Variants in BMPR1A observed in about 807,000 individuals in gnomAD.
BMPR1A encodes bone morphogenetic protein receptor type-1A.
A neutral mutation model predicts 66.0 loss-of-function variants in BMPR1A; 7 were observed. The ratio of observed to expected loss-of-function variants is 0.11; its 90% CI spans 0.06 to 0.20. BMPR1A has a LOEUF of 0.20. BMPR1A is among the 10% of genes least tolerant of loss of function. BMPR1A has a pLI of 1.00. For synonymous variants in BMPR1A, 200 were observed against 229.7 expected (o/e 0.87, Z 1.17); for missense variants, 408 against 669.1 (o/e 0.61, Z 4.31).
chr10:86,883,016 T>A (rs1263846002), intron 3 of BMPR1A, among the ~76,000 whole-genome samples: 1 of 152,004 alleles, frequency 6.6e-6, no homozygotes, highest in African/African-American at 2.4e-5. Context: ...AAATACTTAT[T>A]TCAAGCATAT....
chr10:86,827,463 C>A (rs1842211924), intron 1 of BMPR1A, among the ~76,000 whole-genome samples: 1 of 152,088 alleles, frequency 6.6e-6, no homozygotes, highest in Admixed American at 6.6e-5. Flanking sequence ...CTCGGTTTCA[C>A]CTAGTTTTTG....
chr10:86,828,462 TC>T (rs1300062404), intron 1 of BMPR1A, among the ~76,000 whole-genome samples: 5 of 152,156 alleles, frequency 3.3e-5, no homozygotes, highest in African/African-American at 1.2e-4. Flanking sequence ...ACCACAACAC[TC>T]TTTTGTGATT....
At chr10:86,919,139 A>T in intron 9 of BMPR1A, 33 bp from the exon 10 acceptor site, 2 of 1,612,920 alleles carry the variant, frequency 1.2e-6, no homozygotes, top group Non-Finnish European at 8.5e-7. Flanking sequence ...ATCTCTGATG[A>T]TAACTAACCT....
intron 1 of BMPR1A, among the ~76,000 whole-genome samples, chr10:86,807,123 T>C (rs1841898221): frequency 6.6e-6 from 1 of 152,146 alleles, no homozygotes; most frequent in South Asian, 2.1e-4. Flanking sequence ...GGTGTTCTCA[T>C]TGATACTGGG....
chr10:86,839,578 G>C (rs1842396619), intron 2 of BMPR1A, among the ~76,000 whole-genome samples: 1 of 126,692 alleles, frequency 7.9e-6, no homozygotes, highest in African/African-American at 3.0e-5. Flanking sequence ...GGGCAACAGA[G>C]TGAGACTCTG....
intron 1 of BMPR1A, among the ~76,000 whole-genome samples, chr10:86,810,243 A>G (rs557173046): frequency 1.3e-5 from 2 of 152,254 alleles, no homozygotes; most frequent in East Asian, 3.9e-4. Context: ...AGTCTCCCAA[A>G]GTGCTGGGAT....
At chr10:86,899,598 T>C (rs545324318) in intron 5 of BMPR1A, among the ~76,000 whole-genome samples, 196 bp from the exon 6 acceptor site, 7 of 152,356 alleles carry the variant, frequency 4.6e-5, no homozygotes, top group East Asian at 1.9e-4. Flanking sequence ...CACATAGATA[T>C]GTTCTTAAGA....
chr10:86,804,790 G>GTTT (rs1491151530), intron 1 of BMPR1A, among the ~76,000 whole-genome samples: 1 of 97,500 alleles, frequency 1.0e-5, no homozygotes, highest in African/African-American at 4.3e-5. Context: ...ATGTTTGTAG[G>GTTT]TGTTTTTTTT....
At chr10:86,788,616 T>TA (rs1353458581) in intron 1 of BMPR1A, among the ~76,000 whole-genome samples, 1 of 152,194 alleles carries the variant, frequency 6.6e-6, no homozygotes, top group Non-Finnish European at 1.5e-5. Context: ...CTTCCCTTTT[T>TA]ATTTTTTGAT....
intron 1 of BMPR1A, among the ~76,000 whole-genome samples, chr10:86,777,914 G>A (rs1172854229): frequency 2.6e-5 from 4 of 151,774 alleles, no homozygotes; most frequent in Non-Finnish European, 5.9e-5. Context: ...CGGGGATGCT[G>A]AGGCAGGAGA....
chr10:86,756,331 G>C (rs966137787), upstream of BMPR1A: 1 of 152,054 alleles, frequency 6.6e-6, no homozygotes, highest in Admixed American at 6.5e-5. Context: ...CGGCGGGCCC[G>C]CGCGGAGGAG....
intron 2 of BMPR1A, 136 bp from the exon 3 acceptor site, chr10:86,875,730 AG>A: frequency 2.2e-6 from 1 of 459,132 alleles, no homozygotes; most frequent in Admixed American, 3.7e-5. Flanking sequence ...AAAAAAAAAA[AG>A]CAAGGATACC....
rs114261036 is a variant in BMPR1A, at chr10:86,779,970, A to T, written c.-268+23051A>T. 4.4e-3 allele frequency among the ~76,000 whole-genome samples: 671 copies of T among 152,240 alleles called. 8 individuals are homozygous for T. Among genetic ancestry groups the T allele is most frequent in the African/African-American group, 0.015 (633 of 41,538 alleles). On this transcript the variant is annotated intron_variant, in intron 1 of 12. Transcript: ENST00000372037. The stretch of plus-strand genomic sequence containing the variant: ...ACCCAGGCCAGAATGCAGTAGTGCG[A>T]TCCTAACTCATTATAACCTTGAACT...
At position 86,845,560 on chromosome 10, in the gene BMPR1A, A is replaced by G. The variant is rs376740650; in HGVS notation, c.-153+6581A>G. ...TGCATGCCACATAGACCTGCCCACC[A>G]GAGCCACAGTGCGGAGAGGGGTGAG... On this transcript the variant is annotated intron_variant, in intron 2 of 12. Transcript: ENST00000372037. Among the ~76,000 whole-genome samples the G allele has an allele frequency of 8.5e-5, 13 of 152,304 alleles. No individual in the cohort carries two copies. In the East Asian group the frequency reaches 2.3e-3, roughly 27 times the overall value.
At chr10:86,852,408 A>T (rs1192113508) in intron 2 of BMPR1A, among the ~76,000 whole-genome samples, 1 of 152,172 alleles carries the variant, frequency 6.6e-6, no homozygotes, top group Non-Finnish European at 1.5e-5. Context: ...CGTCTACAAA[A>T]AAAAATAAAA....
In BMPR1A at chr10:86,922,298, A is replaced by G. The variant is rs1256522951; in HGVS notation, c.1342+603A>G. Among the ~76,000 whole-genome samples the G allele has an allele frequency of 9.9e-5, 15 of 152,258 alleles. No individual in the cohort carries two copies. In the South Asian group the frequency reaches 3.1e-3, roughly 32 times the overall value. ...GGTGCCACATTTTCTTGATGTGTTC[A>G]TCTGTTGATGGTCACTTAGGTTGCT... On this transcript the variant is annotated intron_variant, in intron 11 of 12. Coordinates refer to ENST00000372037, the MANE Select transcript of BMPR1A (RefSeq NM_004329.3).
At chr10:86,796,245 A>G (rs1841708256) in intron 1 of BMPR1A, among the ~76,000 whole-genome samples, 1 of 152,082 alleles carries the variant, frequency 6.6e-6, no homozygotes, top group South Asian at 2.1e-4. Flanking sequence ...GTTTAAATGT[A>G]TTTCATAAAT....
intron 3 of BMPR1A, among the ~76,000 whole-genome samples, chr10:86,878,973 T>TA (rs71477615): frequency 0.14 from 20,759 of 151,448 alleles, 1,907 homozygotes; most frequent in Admixed American, 0.23. Flanking sequence ...TACAAATAAT[T>TA]AAAAAAAAAT....
rs150197186 is a variant in BMPR1A, at chr10:86,907,669, C to T, written c.531-4571C>T. 3.9e-3 allele frequency among the ~76,000 whole-genome samples: 599 copies of T among 152,226 alleles called. 7 individuals are homozygous for T. Among genetic ancestry groups the T allele is most frequent in the African/African-American group, 0.014 (567 of 41,534 alleles). On this transcript the variant is annotated intron_variant, in intron 7 of 12. Transcript: ENST00000372037. ...AATGAAATCCTGTTATTTTCAGCAA[C>T]GTGAATGGAACTGGAGTTCATTAAT...
Sources: allele counts gnomAD v4.1 joint callset (sites outside exome capture counted in the v4.1 genomes callset), GRCh38; gene constraint gnomAD v4.1.1; transcripts MANE v1.5; gene names NCBI Gene and HGNC (gene_info 2026-07-23, HGNC 2026-07-21).